The following EEA1 variants were observed in gnomAD, a reference collection of about 807,000 sequenced individuals.
EEA1 encodes the protein early endosome antigen 1.
Under a neutral mutation model 209.2 loss-of-function variants are expected in EEA1, and 111 were observed. The observed-to-expected ratio is 0.53, with a 90% confidence interval of 0.45 to 0.62. The LOEUF (loss-of-function observed/expected upper bound fraction) is 0.62, where lower values mean the gene tolerates loss of function less well. Ranked by LOEUF, EEA1 falls within the 20% of genes least tolerant of loss-of-function variation. The pLI is 0.00. For synonymous variants in EEA1, 536 were observed against 540.6 expected (o/e 0.99, Z 0.12); for missense variants, 1,343 against 1,530.8 (o/e 0.88, Z 2.05).
intron 11 of EEA1, 32 bp from the exon 12 acceptor site, chr12:92,828,093 T>C (rs1219478343): frequency 2.0e-6 from 3 of 1,510,020 alleles, no homozygotes; most frequent in African/African-American, 2.8e-5. Context: ...TGTATGTACA[T>C]ATGTACAAAC....
intron 24 of EEA1, 30 bp downstream of exon 24, chr12:92,780,247 CAGA>C: frequency 7.0e-6 from 11 of 1,575,808 alleles, no homozygotes; most frequent in Non-Finnish European, 7.7e-6. Context: ...CAATATAACA[CAGA>C]AGGCAGGAGA....
intron 6 of EEA1, 152 bp from the exon 7 acceptor site, chr12:92,853,177 T>C: frequency 2.0e-6 from 1 of 510,850 alleles, no homozygotes; most frequent in Non-Finnish European, 3.4e-6. Flanking sequence ...ATTAAGTATA[T>C]CTGCTTCACT....
At chr12:92,905,269 A>T (rs1376240290) in intron 1 of EEA1, among the ~76,000 whole-genome samples, 2 of 152,212 alleles carry the variant, frequency 1.3e-5, no homozygotes, top group Non-Finnish European at 2.9e-5. Context: ...GAAATTATGA[A>T]AAAAATACAT....
chr12:92,852,241 T>C lies in EEA1; in HGVS notation c.576A>G (p.Lys192=). The change falls in exon 8 of 29, where the codon AAA becomes AAG. Residue 192 remains lysine, a synonymous_variant. Coordinates refer to ENST00000322349, the MANE Select transcript of EEA1 (RefSeq NM_003566.4). ...ERSLREAAEQ[K]VTRLTEELNK... ...TTAATTCTTCTGTCAGACGTGTCAC[T>C]TTTTGTTCAGCAGCTTCTCGAAGAC... 6.2e-7 allele frequency: 1 copy of C among 1,603,126 alleles called. No homozygotes were observed. Among genetic ancestry groups the C allele is most frequent in the Admixed American group, 1.7e-5 (1 of 58,454 alleles).
intron 15 of EEA1, 58 bp from the exon 16 acceptor site, chr12:92,813,151 T>A: frequency 2.7e-6 from 3 of 1,124,292 alleles, no homozygotes; most frequent in Non-Finnish European, 3.8e-6. Flanking sequence ...TCCTCTTGCT[T>A]GAACGCACAC....
At position 92,799,002 on chromosome 12, in the gene EEA1, C is replaced by T; in HGVS notation, c.2857G>A (p.Glu953Lys). 3 of 1,612,816 alleles carry T rather than the reference C, an allele frequency of 1.9e-6. No individual in the cohort carries two copies. The highest frequency in any genetic ancestry group is 2.5e-6 in the Non-Finnish European group (3 of 1,179,506). ...ATGTTCCCCTGAAGTTGTTGCTCTT[C>T]TTTTTCATTTTGTTTTAAAGTATTC... Reference protein sequence around the residue: ...AQNTLKQNEKEEQQLQGNINE... With the variant: ...AQNTLKQNEKKEQQLQGNINE... Residue 953 changes from glutamate to lysine, a missense_variant, in exon 21 of 29, where the codon GAA becomes AAA. Transcript: ENST00000322349.
At chr12:92,882,916 G>A (rs1204426332) in intron 2 of EEA1, among the ~76,000 whole-genome samples, 1 of 152,124 alleles carries the variant, frequency 6.6e-6, no homozygotes, top group African/African-American at 2.4e-5. Flanking sequence ...AGAACAGTTT[G>A]TTTTGTTCAG....
In EEA1 at chr12:92,929,096, T is replaced by C; in HGVS notation, c.-30A>G. The C allele has an allele frequency of 6.3e-7, 1 of 1,582,318 alleles. No homozygotes were observed. Among genetic ancestry groups the C allele is most frequent in the South Asian group, 1.1e-5 (1 of 87,444 alleles). On this transcript the variant is annotated 5_prime_UTR_variant, in exon 1 of 29. Coordinates refer to ENST00000322349, the MANE Select transcript of EEA1 (RefSeq NM_003566.4). ...TAACCACCACCCGGCGCCGCCGCGG[T>C]GACTCTCCAGACCCTGCGCGGGGCC...
At chr12:92,776,280 T>G (rs1873656342) in intron 28 of EEA1, 147 bp from the exon 29 acceptor site, 1 of 697,196 alleles carries the variant, frequency 1.4e-6, no homozygotes, top group Non-Finnish European at 2.2e-6. Context: ...TTCAATATGT[T>G]AACTTAATCT....
chr12:92,815,006 C>CACT (rs2136677778), intron 15 of EEA1, among the ~76,000 whole-genome samples: 1 of 152,284 alleles, frequency 6.6e-6, no homozygotes, highest in Non-Finnish European at 1.5e-5. Flanking sequence ...TCACTTAAAG[C>CACT]ACTAGGTTTT....
Position 92,811,278 on chromosome 12 carries a change from C to A in EEA1, c.2199+1G>T. ...CTAAATTCAACTTCTTTTATACAAA[C>A]CTTAATTTGACCTTCTAGCTCTTCG... On this transcript the variant is annotated splice_donor_variant, in intron 17 of 28. Transcript: ENST00000322349. LOFTEE classifies it high-confidence loss of function. 2.0e-6 allele frequency: 3 copies of A among 1,533,554 alleles called. No homozygotes were observed. The highest frequency in any genetic ancestry group is 2.6e-6 in the Non-Finnish European group (3 of 1,142,894). 95.0% of individuals were successfully genotyped at this position (1,533,554 alleles called of 1,614,324 possible).
At chr12:92,789,346 C>T (rs1327921153) in intron 21 of EEA1, among the ~76,000 whole-genome samples, 1 of 151,496 alleles carries the variant, frequency 6.6e-6, no homozygotes, top group East Asian at 1.9e-4. Flanking sequence ...AAAAAAAACC[C>T]AGATCTCAAC....
chr12:92,865,781 C>T (rs1372003466), intron 2 of EEA1, among the ~76,000 whole-genome samples: 2 of 150,604 alleles, frequency 1.3e-5, no homozygotes, highest in East Asian at 1.9e-4. Context: ...AGTCTCGCTC[C>T]GTCACCCAGG....
At chr12:92,792,900 C>T (rs941207190) in intron 21 of EEA1, among the ~76,000 whole-genome samples, 10 of 152,118 alleles carry the variant, frequency 6.6e-5, no homozygotes, top group Admixed American at 3.9e-4. Context: ...ACTGGCAAAC[C>T]GAATCCAGCA....
intron 10 of EEA1, among the ~76,000 whole-genome samples, chr12:92,834,583 A>G (rs1032772482): frequency 1.3e-5 from 2 of 149,858 alleles, no homozygotes; most frequent in African/African-American, 2.4e-5. Context: ...TACTTATAAG[A>G]GAGGATGACA....
At chr12:92,851,860 G>A (rs1339545051) in intron 8 of EEA1, among the ~76,000 whole-genome samples, 1 of 152,018 alleles carries the variant, frequency 6.6e-6, no homozygotes, top group African/African-American at 2.4e-5. Context: ...TACCCTAAAA[G>A]CAGATGGATT....
chr12:92,906,283 G>A (rs1331919647), intron 1 of EEA1, among the ~76,000 whole-genome samples: 4 of 151,684 alleles, frequency 2.6e-5, no homozygotes, highest in East Asian at 1.9e-4. Flanking sequence ...TTATAGAGAC[G>A]GGGTTTTGCC....
chr12:92,884,537 T>G lies in EEA1; in HGVS notation c.117+7092A>C, dbSNP rs139140896. 1,667 of 1,495,096 alleles carry G rather than the reference T, an allele frequency of 1.1e-3. 15 individuals carry two copies. In the African/African-American group the frequency reaches 0.02, roughly 18 times the overall value. The allele number at this position is 1,495,096 out of a possible 1,614,324, so 92.6% of individuals were successfully genotyped here. A position where few individuals can be genotyped will look rare whatever the true frequency, so the allele number is the denominator to read the frequency against. ...TGGAAGCTACAATGATTTTGGCAAT[T>G]ACAACAATCAGTCTTCAAATTTTGG... is the stretch of plus-strand genomic sequence containing the variant. On this transcript the variant is annotated intron_variant, in intron 2 of 28. Coordinates refer to ENST00000322349, the MANE Select transcript of EEA1 (RefSeq NM_003566.4).
rs759089460 is a variant in EEA1 at position 92,812,973 on chromosome 12, T to C, written c.2043+7A>G. The C allele has an allele frequency of 6.4e-7, 1 of 1,556,888 alleles. No homozygotes were observed. The highest frequency in any genetic ancestry group is 1.2e-5 in the South Asian group (1 of 83,620). Reference sequence around the variant, plus strand: ...GTGATAGTATGAAATTGCATCTGTTTCCCTACCTGCTGTTTATCTTGTAAT... The same window carrying C: ...GTGATAGTATGAAATTGCATCTGTTCCCCTACCTGCTGTTTATCTTGTAAT... On this transcript the variant is annotated splice_region_variant and intron_variant, in intron 16 of 28. Coordinates refer to ENST00000322349, the MANE Select transcript of EEA1 (RefSeq NM_003566.4).
Sources: allele counts gnomAD v4.1 joint callset (sites outside exome capture counted in the v4.1 genomes callset), GRCh38; gene constraint gnomAD v4.1.1; transcripts MANE v1.5; gene names NCBI Gene and HGNC (gene_info 2026-07-23, HGNC 2026-07-21).